Variants in MTRF1L observed in about 807,000 individuals in gnomAD.
MTRF1L encodes the protein peptide chain release factor 1-like, mitochondrial.
In MTRF1L, 29 loss-of-function variants were observed where a neutral mutation model predicts 40.0. The observed-to-expected ratio is 0.73, with a 90% CI of 0.54 to 0.99. The LOEUF (loss-of-function observed/expected upper bound fraction) is 0.99, where lower values mean the gene tolerates loss of function less well. MTRF1L is among the 50% of genes least tolerant of loss of function. MTRF1L has a pLI of 0.00. For synonymous variants in MTRF1L, 150 were observed against 175.8 expected (o/e 0.85, Z 1.16); for missense variants, 412 against 464.5 (o/e 0.89, Z 1.04).
chr6:152,996,493 C>T (rs1704276343), intron 2 of MTRF1L, among the ~76,000 whole-genome samples: 1 of 152,256 alleles, frequency 6.6e-6, no homozygotes, highest in African/African-American at 2.4e-5. Context: ...GTGGAATTCT[C>T]CCCCTCTAAC....
intron 3 of MTRF1L, 71 bp from the exon 4 acceptor site, chr6:152,994,747 AC>A: frequency 6.4e-7 from 1 of 1,557,646 alleles, no homozygotes; most frequent in Non-Finnish European, 8.9e-7. Context: ...CATCACATCT[AC>A]TATCTTGAGG....
At chr6:152,996,153 T>G (rs752685317) in intron 2 of MTRF1L, among the ~76,000 whole-genome samples, 19 of 152,212 alleles carry the variant, frequency 1.2e-4, no homozygotes, top group Non-Finnish European at 1.9e-4. Context: ...GTGAAACTAA[T>G]TTTACAGGGG....
At chr6:152,998,513 T>A (rs745857569) in intron 2 of MTRF1L, 37 bp downstream of exon 2, 1 of 1,457,416 alleles carries the variant, frequency 6.9e-7, no homozygotes, top group Non-Finnish European at 9.3e-7. Flanking sequence ...TGCCTAAGAA[T>A]AGCACAAATG....
chr6:152,991,069 G>T (rs965812172), intron 6 of MTRF1L, 116 bp downstream of exon 6: 3 of 641,212 alleles, frequency 4.7e-6, no homozygotes, highest in Middle Eastern at 4.4e-4. Flanking sequence ...TAGACTACTT[G>T]AATTGTTTTC....
chr6:153,002,376 C>T (rs375080116), intron 1 of MTRF1L, 51 bp downstream of exon 1: 6 of 1,613,456 alleles, frequency 3.7e-6, no homozygotes, highest in Non-Finnish European at 5.1e-6. Flanking sequence ...AAAAGTCAAA[C>T]GAAGAGTCAA....
At position 152,989,782 on chromosome 6, in the gene MTRF1L, A is replaced by G; in HGVS notation, c.*113T>C. On this transcript the variant is annotated 3_prime_UTR_variant, in exon 7 of 7. Transcript: ENST00000367233. Reference sequence around the variant, plus strand: ...TCTATGACTTCAGAATATGCATATTACCTCCAACTGTGTTAACTCAACGTT... The same window carrying G: ...TCTATGACTTCAGAATATGCATATTGCCTCCAACTGTGTTAACTCAACGTT... 8.1e-7 allele frequency: 1 copy of G among 1,235,372 alleles called. No homozygotes were observed. Among genetic ancestry groups the G allele is most frequent in the Non-Finnish European group, 1.1e-6 (1 of 916,006 alleles). 76.5% of individuals were successfully genotyped at this position (1,235,372 alleles called of 1,614,324 possible).
intron 1 of MTRF1L, among the ~76,000 whole-genome samples, chr6:153,000,050 T>C (rs1778857483): frequency 6.6e-6 from 1 of 152,166 alleles, no homozygotes; most frequent in South Asian, 2.1e-4. Context: ...TGGAAGAAAT[T>C]TGGTAGAATG....
intron 5 of MTRF1L, 111 bp from the exon 6 acceptor site, chr6:152,991,432 AAAC>A (rs1778512611): frequency 8.1e-7 from 1 of 1,231,788 alleles, no homozygotes; most frequent in Non-Finnish European, 1.1e-6. Context: ...TGAGGGGAAA[AAAC>A]AGAGGACTCT....
intron 5 of MTRF1L, among the ~76,000 whole-genome samples, chr6:152,991,707 C>T (rs1212786119): frequency 6.6e-6 from 1 of 152,190 alleles, no homozygotes; most frequent in Admixed American, 6.5e-5. Flanking sequence ...CCATCACGCC[C>T]GGCTAATTTT....
At position 153,002,593 on chromosome 6, in the gene MTRF1L, C is replaced by T; in HGVS notation, c.93G>A (p.Pro31=). 3 of 1,553,652 alleles carry T rather than the reference C, an allele frequency of 1.9e-6. No individual in the cohort carries two copies. The highest frequency in any genetic ancestry group is 1.7e-6 in the Non-Finnish European group (2 of 1,150,048). ...PARRPLSSGS[P]PLEELFTRGG... is the part of the protein sequence containing the mutation. ...CCCGGGTGAACAGCTCCTCCAGCGG[C>T]GGGCTACCGGAGCTCAGGGGCCGGC... Residue 31 remains proline, a synonymous_variant, in exon 1 of 7, where the codon CCG becomes CCA. Transcript: ENST00000367233.
intron 6 of MTRF1L, 143 bp downstream of exon 6, chr6:152,991,042 C>T: frequency 2.0e-6 from 1 of 511,076 alleles, no homozygotes; most frequent in Non-Finnish European, 3.3e-6. Context: ...AGATTACTAT[C>T]AAAGAAGGAT....
chr6:152,991,671 C>T lies in MTRF1L; in HGVS notation c.806-350G>A, dbSNP rs377039374. On this transcript the variant is annotated intron_variant, in intron 5 of 6. Transcript: ENST00000367233. ...ACGCCATTCTCCTGCCTCAGCCTCCCGAGTAGCTGGGATTACAGGTGCCCG... is the reference window on the plus strand; with the variant it reads ...ACGCCATTCTCCTGCCTCAGCCTCCTGAGTAGCTGGGATTACAGGTGCCCG... Among the ~76,000 whole-genome samples, 218 of 152,244 alleles carry T rather than the reference C, an allele frequency of 1.4e-3. 3 individuals carry two copies. In the South Asian group the frequency reaches 0.042, roughly 29 times the overall value.
intron 1 of MTRF1L, 31 bp downstream of exon 1, chr6:153,002,396 C>T: frequency 6.2e-7 from 1 of 1,613,904 alleles, no homozygotes. Flanking sequence ...AGAATGTGCT[C>T]TGACGCCTCT....
chr6:152,992,057 T>C (rs1459750919), intron 5 of MTRF1L, among the ~76,000 whole-genome samples: 1 of 152,248 alleles, frequency 6.6e-6, no homozygotes, highest in South Asian at 2.1e-4. Flanking sequence ...TGTTTCATAT[T>C]CTGTATTACC....
At chr6:152,996,566 T>C (rs186816780) in intron 2 of MTRF1L, among the ~76,000 whole-genome samples, 1 of 152,292 alleles carries the variant, frequency 6.6e-6, no homozygotes, top group African/African-American at 2.4e-5. Flanking sequence ...AAGCAGATTC[T>C]CAAAAATAAG....
chr6:152,996,985 A>C (rs572902750), intron 2 of MTRF1L, among the ~76,000 whole-genome samples: 1 of 152,302 alleles, frequency 6.6e-6, no homozygotes, highest in Admixed American at 6.5e-5. Flanking sequence ...AAAGGGTATC[A>C]GTTTGCAAAG....
intron 2 of MTRF1L, 123 bp from the exon 3 acceptor site, chr6:152,995,442 C>T: frequency 3.6e-6 from 3 of 826,412 alleles, no homozygotes; most frequent in Non-Finnish European, 5.5e-6. Flanking sequence ...TGTAATATTG[C>T]TGAGTACTGT....
At position 153,002,496 on chromosome 6, in the gene MTRF1L, A is replaced by G. The variant is rs1778963124; in HGVS notation, c.190T>C (p.Leu64=). The change falls in exon 1 of 7, where the codon TTG becomes CTG. Residue 64 remains leucine, a synonymous_variant. Coordinates refer to ENST00000367233, the MANE Select transcript of MTRF1L (RefSeq NM_019041.7). ...TTCAGCAGTTTGATCACCGCCAGCA[A>G]CTCGGGCCTCCTGACCTTCAAATGG... ...EAHLKVRRPE[L]LAVIKLLNEK... is the part of the protein sequence containing the mutation. The G allele has an allele frequency of 6.2e-7, 1 of 1,613,304 alleles. No individual in the cohort carries two copies. Among genetic ancestry groups the G allele is most frequent in the African/African-American group, 1.3e-5 (1 of 74,876 alleles).
chr6:152,998,470 C>T (rs1778794764), intron 2 of MTRF1L, 80 bp downstream of exon 2: 3 of 1,028,248 alleles, frequency 2.9e-6, no homozygotes, highest in Non-Finnish European at 4.1e-6. Flanking sequence ...ACAAGCTAGT[C>T]ACTTGTTTTT....
Sources: gnomAD v4.1 joint callset for allele counts (sites outside exome capture counted in the v4.1 genomes callset) on GRCh38, gnomAD v4.1.1 for gene constraint, MANE v1.5 for transcripts, NCBI Gene and HGNC (gene_info 2026-07-23, HGNC 2026-07-21) for gene names.